Variants in USP35 observed in about 807,000 individuals in gnomAD.
The protein encoded by USP35 is ubiquitin specific peptidase 35.
In USP35, 69 loss-of-function variants were observed where a neutral mutation model predicts 83.8. The ratio of observed to expected loss-of-function variants is 0.82; its 90% CI spans 0.68 to 1.01. The LOEUF (loss-of-function observed/expected upper bound fraction) is 1.01. Among genes scored for constraint, USP35 ranks in the 50% least tolerant of loss-of-function variants. The pLI, the probability that USP35 is intolerant of heterozygous loss-of-function variation, is 0.00. For synonymous variants in USP35, 714 were observed against 589.5 expected (o/e 1.21, Z -3.06); for missense variants, 1,503 against 1,362.5 (o/e 1.10, Z -1.62).
At position 78,203,555 on chromosome 11, in the gene USP35, T is replaced by C. The variant is rs575119410; in HGVS notation, c.1198-2287T>C. 1.6e-4 allele frequency among the ~76,000 whole-genome samples: 25 copies of C among 152,156 alleles called. No homozygotes were observed. The Middle Eastern group carries it at 0.017, about 104-fold the overall frequency. ...GACTCAAGTATGTATGTCGTAATTA[T>C]AAACATGTTTACATGTTTTAATATT... On this transcript the variant is annotated intron_variant, in intron 6 of 10. Coordinates refer to ENST00000529308, the MANE Select transcript of USP35 (RefSeq NM_020798.4).
chr11:78,213,119 T>A (rs955199358), intron 10 of USP35, among the ~76,000 whole-genome samples: 1 of 152,214 alleles, frequency 6.6e-6, no homozygotes, highest in Admixed American at 6.5e-5. Flanking sequence ...CAACTCCTTC[T>A]TCCCCAAGGA....
intron 10 of USP35, among the ~76,000 whole-genome samples, chr11:78,211,770 G>A (rs1239320765): frequency 1.3e-5 from 2 of 152,178 alleles, no homozygotes; most frequent in African/African-American, 4.8e-5. Flanking sequence ...GTCTGTTCAT[G>A]TCCTTTGCCC....
At chr11:78,195,687 G>A (rs1350698723) in intron 1 of USP35, among the ~76,000 whole-genome samples, 1 of 152,288 alleles carries the variant, frequency 6.6e-6, no homozygotes, top group Non-Finnish European at 1.5e-5. Flanking sequence ...GGAGGCTCAC[G>A]TAGCCTTTGT....
At chr11:78,191,679 C>T (rs1863008319) in intron 1 of USP35, among the ~76,000 whole-genome samples, 1 of 152,068 alleles carries the variant, frequency 6.6e-6, no homozygotes, top group Non-Finnish European at 1.5e-5. Flanking sequence ...CTGGGTGGGG[C>T]TGGGAACACC....
intron 1 of USP35, among the ~76,000 whole-genome samples, chr11:78,190,255 T>G (rs981722872): frequency 2.0e-5 from 3 of 152,024 alleles, no homozygotes; most frequent in Non-Finnish European, 4.4e-5. Flanking sequence ...TGTTTTGTTT[T>G]GTTTTTGTTT....
At chr11:78,201,764 A>G (rs1006473043) in intron 6 of USP35, among the ~76,000 whole-genome samples, 2 of 152,162 alleles carry the variant, frequency 1.3e-5, no homozygotes, top group Non-Finnish European at 2.9e-5. Context: ...GGAAAAGGAG[A>G]CTTGGAGAAG....
the USP35 span, among the ~76,000 whole-genome samples, chr11:78,234,637 C>T: frequency 6.7e-6 from 1 of 148,836 alleles, no homozygotes; most frequent in African/African-American, 2.4e-5. Flanking sequence ...TATTTATATA[C>T]ATATATGTAT....
chr11:78,227,618 A>C, the USP35 span, among the ~76,000 whole-genome samples: 2 of 130,114 alleles, frequency 1.5e-5, no homozygotes, highest in African/African-American at 6.1e-5. Context: ...ACACAATAAG[A>C]CTCCATTGCC....
chr11:78,210,873 G>T, intron 10 of USP35, 129 bp downstream of exon 10: 4 of 995,846 alleles, frequency 4.0e-6, no homozygotes, highest in Non-Finnish European at 2.8e-6. Flanking sequence ...GCTCAGTGCT[G>T]GGTATATACT....
Position 78,215,112 on chromosome 11 carries a change from A to C in USP35, c.*1299A>C, listed in dbSNP as rs1013803262. ...ATCTCTAGACGCCTAAGAAAGCTGG[A>C]TGGGTAAATGCTAGTATGATTTCCA... is the stretch of plus-strand genomic sequence containing the variant. On this transcript the variant is annotated 3_prime_UTR_variant, in exon 11 of 11. Transcript: ENST00000529308. Among the ~76,000 whole-genome samples, 2 of 152,202 alleles carry C rather than the reference A, an allele frequency of 1.3e-5. No homozygotes were observed. The highest frequency in any genetic ancestry group is 2.9e-5 in the Non-Finnish European group (2 of 68,036).
At chr11:78,194,573 T>G (rs1380222756) in intron 1 of USP35, among the ~76,000 whole-genome samples, 1 of 152,088 alleles carries the variant, frequency 6.6e-6, no homozygotes, top group African/African-American at 2.4e-5. Flanking sequence ...AGGAGAGGCA[T>G]TACGTGTTAG....
the USP35 span, among the ~76,000 whole-genome samples, chr11:78,237,049 T>C: frequency 0.16 from 23,957 of 152,168 alleles, 2,367 homozygotes; most frequent in East Asian, 0.4. Flanking sequence ...AGGGTTATGC[T>C]GGTCTCATAA....
At position 78,200,752 on chromosome 11, in the gene USP35, G is replaced by A; in HGVS notation, c.1141G>A (p.Val381Met). 1 of 1,614,172 alleles carries A rather than the reference G, an allele frequency of 6.2e-7. No individual in the cohort carries two copies. Among genetic ancestry groups the A allele is most frequent in the Non-Finnish European group, 8.5e-7 (1 of 1,180,006 alleles). The change falls in exon 6 of 11, where the codon GTG becomes ATG. Residue 381 changes from valine (V) to methionine (M), a missense_variant. Val to Met is a conservative substitution (Grantham distance 21, BLOSUM62 1). Coordinates refer to ENST00000529308, the MANE Select transcript of USP35 (RefSeq NM_020798.4). ...EQLAELVHCM[V>M]FRFPGFPDLY... ...GCTGGCGGAGCTGGTCCACTGCATG[G>A]TGTTCCGGTTCCCGGGCTTCCCGGA...
intron 7 of USP35, chr11:78,207,162 G>A (rs1311982015): frequency 1.1e-5 from 2 of 174,080 alleles, no homozygotes; most frequent in Non-Finnish European, 1.2e-5. Flanking sequence ...GGGCTGCTGC[G>A]GCTGGGATGA....
intron 10 of USP35, among the ~76,000 whole-genome samples, chr11:78,212,914 T>TG (rs1282560121): frequency 2.0e-5 from 3 of 149,980 alleles, no homozygotes; most frequent in Admixed American, 6.6e-5. Context: ...GCTTCGGGTG[T>TG]GGGGGGAGGG....
intron 3 of USP35, 45 bp downstream of exon 3, chr11:78,198,113 C>T: frequency 6.2e-7 from 1 of 1,610,356 alleles, no homozygotes; most frequent in Non-Finnish European, 8.5e-7. Flanking sequence ...GGGCCCCTCC[C>T]TCTCTTCCTC....
chr11:78,213,406 A>AGTC (rs1458428002), intron 10 of USP35, among the ~76,000 whole-genome samples: 4 of 152,122 alleles, frequency 2.6e-5, no homozygotes, highest in African/African-American at 9.7e-5. Context: ...CTTGTCAGCT[A>AGTC]GTCAGTCACA....
At position 78,210,093 on chromosome 11, in the gene USP35, C is replaced by T. The variant is rs758839526; in HGVS notation, c.2238C>T (p.Ile746=). The change falls in exon 10 of 11, where the codon ATC becomes ATT. Residue 746 remains isoleucine (I), a synonymous_variant. Coordinates refer to ENST00000529308, the MANE Select transcript of USP35 (RefSeq NM_020798.4). ...CGGGGACCCACCCGGATGCTGCCATCCCCTCCGGGGAGCGGACATGTGGCT... is the reference window on the plus strand; with the variant it reads ...CGGGGACCCACCCGGATGCTGCCATTCCCTCCGGGGAGCGGACATGTGGCT... The part of the protein sequence containing the change: ...LGAGTHPDAA[I]PSGERTCGSE... 5.5e-5 allele frequency: 89 copies of T among 1,613,932 alleles called. No homozygotes were observed. Among genetic ancestry groups the T allele is most frequent in the Non-Finnish European group, 7.4e-5 (87 of 1,179,986 alleles).
chr11:78,209,001 G>A (rs765945399), intron 9 of USP35, 38 bp downstream of exon 9: 1 of 1,599,836 alleles, frequency 6.3e-7, no homozygotes, highest in Non-Finnish European at 8.6e-7. Context: ...TCCAGGTCTA[G>A]AGGGTCCTTG....
Sources: allele counts gnomAD v4.1 joint callset (sites outside exome capture counted in the v4.1 genomes callset), GRCh38; gene constraint gnomAD v4.1.1; transcripts MANE v1.5; gene names NCBI Gene and HGNC (gene_info 2026-07-23, HGNC 2026-07-21).